The following LRMDA variants were observed in gnomAD, a reference collection of about 807,000 sequenced individuals.
The protein encoded by LRMDA is leucine-rich melanocyte differentiation-associated protein.
LRMDA carries 18 observed loss-of-function variants against 29.8 expected under a neutral mutation model. The ratio of observed to expected loss-of-function variants is 0.60; its 90% CI spans 0.42 to 0.90. The LOEUF is 0.90. LRMDA is among the 40% of genes least tolerant of loss of function. LRMDA has a pLI of 0.00. For synonymous variants in LRMDA, 125 were observed against 109.4 expected, an observed-to-expected ratio of 1.14 and a Z score of -0.89; for missense variants, 273 against 273.9, an observed-to-expected ratio of 1.00 and a Z score of 0.02.
intron 5 of LRMDA, among the ~76,000 whole-genome samples, chr10:76,060,911 A>T (rs550954433): frequency 6.6e-6 from 1 of 152,354 alleles, no homozygotes; most frequent in African/African-American, 2.4e-5. Context: ...ATTAAGCTTT[A>T]AAAAGCCTGT....
chr10:76,377,727 A>G (rs532038255), intron 6 of LRMDA, among the ~76,000 whole-genome samples: 2 of 152,222 alleles, frequency 1.3e-5, no homozygotes, highest in South Asian at 2.1e-4. Flanking sequence ...GTTCTGTTGC[A>G]TTGATTGATG....
At chr10:75,659,072 A>G (rs1179195346) in intron 2 of LRMDA, among the ~76,000 whole-genome samples, 1 of 152,228 alleles carries the variant, frequency 6.6e-6, no homozygotes, top group East Asian at 1.9e-4. Context: ...AAGGGCAAAC[A>G]CAGACCTGGC....
intron 2 of LRMDA, among the ~76,000 whole-genome samples, chr10:75,624,598 A>G (rs747420149): frequency 1.3e-4 from 20 of 152,184 alleles, no homozygotes; most frequent in Non-Finnish European, 2.4e-4. Context: ...TCCTCAAGGG[A>G]GATCTAGGAT....
chr10:76,545,445 G>A (rs1843408603), intron 6 of LRMDA, among the ~76,000 whole-genome samples: 1 of 151,468 alleles, frequency 6.6e-6, no homozygotes, highest in Admixed American at 6.6e-5. Context: ...TGTCAGTTTT[G>A]GGGAAGTCCA....
Position 75,874,196 on chromosome 10 carries a change from C to T in LRMDA, c.132-161812C>T, listed in dbSNP as rs532563034. Among the ~76,000 whole-genome samples the T allele has an allele frequency of 2.6e-5, 4 of 152,126 alleles. No homozygotes were observed. In the South Asian group the frequency reaches 8.3e-4, roughly 32 times the overall value. On this transcript the variant is annotated intron_variant, in intron 2 of 6. Transcript: ENST00000611255. ...AAATGTAAGTTAATTAAGTAAAAGT[C>T]GGGGGAAAGAAGGGGCTTCAAGCTC...
chr10:75,929,242 G>A (rs911208988), intron 2 of LRMDA, among the ~76,000 whole-genome samples: 3 of 152,066 alleles, frequency 2.0e-5, no homozygotes, highest in African/African-American at 7.2e-5. Flanking sequence ...ATGCAGGCTT[G>A]TGTGCCTGTA....
intron 2 of LRMDA, among the ~76,000 whole-genome samples, chr10:75,841,323 C>T (rs982118565): frequency 6.6e-6 from 1 of 152,172 alleles, no homozygotes; most frequent in Non-Finnish European, 1.5e-5. Flanking sequence ...GGTTTATTAT[C>T]GAACTTAAAT....
intron 5 of LRMDA, among the ~76,000 whole-genome samples, chr10:76,099,113 C>A (rs928064714): frequency 7.9e-5 from 12 of 152,212 alleles, no homozygotes; most frequent in African/African-American, 2.9e-4. Context: ...GACTCCTAAA[C>A]CATAATTTCT....
At chr10:75,579,731 G>T (rs1192924450) in intron 2 of LRMDA, among the ~76,000 whole-genome samples, 1 of 152,200 alleles carries the variant, frequency 6.6e-6, no homozygotes, top group Non-Finnish European at 1.5e-5. Flanking sequence ...CCATGATCAA[G>T]TCGGCTTCAT....
intron 6 of LRMDA, among the ~76,000 whole-genome samples, chr10:76,422,962 G>T (rs1008609379): frequency 2.0e-5 from 3 of 152,176 alleles, no homozygotes; most frequent in African/African-American, 7.2e-5. Flanking sequence ...ACTCAATCCT[G>T]CCCACAAGTG....
At chr10:75,456,673 A>T (rs2132035305) in intron 2 of LRMDA, among the ~76,000 whole-genome samples, 1 of 152,252 alleles carries the variant, frequency 6.6e-6, no homozygotes, top group East Asian at 1.9e-4. Context: ...AATGGATTTT[A>T]TTTTATTTTA....
At chr10:75,703,978 G>T (rs1842337653) in intron 2 of LRMDA, among the ~76,000 whole-genome samples, 1 of 152,158 alleles carries the variant, frequency 6.6e-6, no homozygotes, top group Non-Finnish European at 1.5e-5. Flanking sequence ...CCAAGTTCTG[G>T]TTCTATAAAA....
At chr10:76,044,528 G>A (rs914045516) in intron 3 of LRMDA, among the ~76,000 whole-genome samples, 3 of 151,376 alleles carry the variant, frequency 2.0e-5, no homozygotes, top group Non-Finnish European at 4.4e-5. Flanking sequence ...ACTTACCCTG[G>A]AATTGTTCAC....
intron 2 of LRMDA, among the ~76,000 whole-genome samples, chr10:76,003,689 T>A (rs1847599978): frequency 6.6e-6 from 1 of 151,998 alleles, no homozygotes; most frequent in Non-Finnish European, 1.5e-5. Context: ...GTAAGTCAGT[T>A]GAGGGTGTTG....
chr10:76,403,159 C>T (rs1391970336), intron 6 of LRMDA: 1 of 151,504 alleles, frequency 6.6e-6, no homozygotes, highest in African/African-American at 2.4e-5. Context: ...TGTGCTTCTT[C>T]CCTTTATGCC....
At chr10:75,805,174 G>A (rs1025347102) in intron 2 of LRMDA, among the ~76,000 whole-genome samples, 3 of 152,186 alleles carry the variant, frequency 2.0e-5, no homozygotes, top group African/African-American at 7.2e-5. Flanking sequence ...CCATAGACTA[G>A]TGTGTTCTCC....
At chr10:76,276,936 G>A (rs1840142927) in intron 5 of LRMDA, among the ~76,000 whole-genome samples, 2 of 152,144 alleles carry the variant, frequency 1.3e-5, no homozygotes, top group South Asian at 4.1e-4. Flanking sequence ...TATGAAACCT[G>A]GATGGTGGTT....
chr10:76,468,349 C>T (rs1842584457), intron 6 of LRMDA, among the ~76,000 whole-genome samples: 1 of 152,220 alleles, frequency 6.6e-6, no homozygotes, highest in Non-Finnish European at 1.5e-5. Flanking sequence ...GAGAGCAAGA[C>T]TGTTCTGGAA....
intron 2 of LRMDA, among the ~76,000 whole-genome samples, chr10:76,026,390 C>T (rs1848063294): frequency 6.6e-6 from 1 of 152,154 alleles, no homozygotes; most frequent in Non-Finnish European, 1.5e-5. Context: ...GGCCACTTTA[C>T]CTCTCTGGAC....
Sources: allele counts gnomAD v4.1 joint callset (sites outside exome capture counted in the v4.1 genomes callset), GRCh38; gene constraint gnomAD v4.1.1; transcripts MANE v1.5; gene names NCBI Gene and HGNC (gene_info 2026-07-23, HGNC 2026-07-21).